AHR: variants seen among roughly 807,000 people sequenced by gnomAD.
The protein encoded by AHR is aryl hydrocarbon receptor, also known as AH-receptor.
In AHR, 40 loss-of-function variants were observed where a neutral mutation model predicts 86.8. The ratio of observed to expected loss-of-function variants is 0.46; its 90% CI spans 0.36 to 0.60. The LOEUF (loss-of-function observed/expected upper bound fraction) is 0.60, where lower values mean the gene tolerates loss of function less well. AHR is among the 20% of genes least tolerant of loss of function. The pLI is 0.00. For missense variants in AHR, 1,001 were observed against 1,011.6 expected (o/e 0.99, Z 0.14); for synonymous variants, 398 against 354.9 (o/e 1.12, Z -1.37).
chr7:17,316,609 C>T (rs1350541734), intron 2 of AHR, among the ~76,000 whole-genome samples: 1 of 152,160 alleles, frequency 6.6e-6, no homozygotes, highest in Non-Finnish European at 1.5e-5. Flanking sequence ...GTTTCACACA[C>T]ACACAAAAGA....
At chr7:17,340,470 A>T (rs901420581) in intron 10 of AHR, among the ~76,000 whole-genome samples, 11 of 152,122 alleles carry the variant, frequency 7.2e-5, no homozygotes, top group Admixed American at 6.5e-5. Context: ...ATGAAGCAAC[A>T]TGAATGTGTC....
chr7:17,325,143 C>G (rs1782215213), intron 3 of AHR, among the ~76,000 whole-genome samples: 1 of 152,072 alleles, frequency 6.6e-6, no homozygotes, highest in African/African-American at 2.4e-5. Flanking sequence ...ATATTAATTC[C>G]TTCTGTTAAT....
intron 1 of AHR, among the ~76,000 whole-genome samples, chr7:17,308,726 C>T (rs182821835): frequency 2.3e-4 from 35 of 151,938 alleles, no homozygotes; most frequent in African/African-American, 8.5e-4. Flanking sequence ...CACACACACA[C>T]ACACATCATT....
chr7:17,342,815 C>A, intron 10 of AHR, 106 bp from the exon 11 acceptor site: 1 of 1,113,354 alleles, frequency 9.0e-7, no homozygotes, highest in Non-Finnish European at 1.3e-6. Flanking sequence ...TTGAAGTTTA[C>A]AACTCTCAGG....
intron 6 of AHR, 110 bp from the exon 7 acceptor site, chr7:17,333,802 T>G (rs751760702): frequency 4.0e-4 from 308 of 776,270 alleles, no homozygotes; most frequent in Non-Finnish European, 5.6e-4. Flanking sequence ...TCAGGAATAT[T>G]TATGGAATTA....
Position 17,339,678 on chromosome 7 carries a change from A to G in AHR, c.1853A>G (p.His618Arg), listed in dbSNP as rs775243780. 6.2e-6 allele frequency: 10 copies of G among 1,614,130 alleles called. No individual in the cohort carries two copies. The highest frequency in any genetic ancestry group is 3.3e-5 in the South Asian group (3 of 91,078). The change falls in exon 10 of 11, where the codon CAT (histidine) becomes CGT (arginine). Residue 618 changes from histidine (H) to arginine (R), a missense_variant. Physicochemically the swap from His to Arg is conservative, Grantham distance 29. Transcript: ENST00000242057. ...AGCTGTATGGTACAGGAACACCTAC[A>G]TCTAGAACAGCAACAGCAACATCAC... ...NSSCMVQEHL[H>R]LEQQQQHHQK...
intron 2 of AHR, among the ~76,000 whole-genome samples, chr7:17,320,372 A>G (rs1319472158): frequency 6.6e-6 from 1 of 152,094 alleles, no homozygotes; most frequent in African/African-American, 2.4e-5. Context: ...CTTCTCAGTG[A>G]TCAAGTAGTT....
At chr7:17,321,618 C>G (rs986383202) in intron 2 of AHR, among the ~76,000 whole-genome samples, 4 of 149,452 alleles carry the variant, frequency 2.7e-5, no homozygotes, top group Admixed American at 6.7e-5. Flanking sequence ...CACACACACA[C>G]AGTGAGGAAA....
chr7:17,302,929 G>C (rs1460591437), intron 1 of AHR, among the ~76,000 whole-genome samples: 1 of 151,964 alleles, frequency 6.6e-6, no homozygotes, highest in Non-Finnish European at 1.5e-5. Flanking sequence ...GAAACAGTAA[G>C]AGGCAGTATA....
intron 1 of AHR, among the ~76,000 whole-genome samples, chr7:17,308,726 C>CA: frequency 6.6e-6 from 1 of 152,056 alleles, no homozygotes; most frequent in Non-Finnish European, 1.5e-5. Flanking sequence ...CACACACACA[C>CA]ACACATCATT....
intron 1 of AHR, among the ~76,000 whole-genome samples, chr7:17,303,987 T>C (rs538742309): frequency 2.0e-5 from 3 of 152,260 alleles, no homozygotes; most frequent in Admixed American, 2.0e-4. Context: ...TGGTTATGTA[T>C]AGGAGAAGCA....
intron 4 of AHR, 200 bp from the exon 5 acceptor site, chr7:17,329,752 G>C (rs1407639444): frequency 2.7e-6 from 1 of 372,400 alleles, no homozygotes; most frequent in African/African-American, 2.1e-5. Flanking sequence ...GTAACTTTTG[G>C]CTTATCTGTT....
Position 17,322,602 on chromosome 7 carries a change from T to C in AHR, c.355T>C (p.Leu119=), listed in dbSNP as rs774195738. 1.9e-6 allele frequency: 3 copies of C among 1,594,878 alleles called. No individual in the cohort carries two copies. The highest frequency in any genetic ancestry group is 1.7e-4 in the Middle Eastern group (1 of 5,976). Residue 119 remains leucine, a synonymous_variant, in exon 3 of 11, where the codon TTA becomes CTA. Coordinates refer to ENST00000242057, the MANE Select transcript of AHR (RefSeq NM_001621.5). Reference sequence around the variant, plus strand: ...GAACTTACAAGAAGGAGAATTCTTATTACAGGTAAATTTTAGTAAATATAG... The same window carrying C: ...GAACTTACAAGAAGGAGAATTCTTACTACAGGTAAATTTTAGTAAATATAG... ...GLNLQEGEFL[L]QALNGFVLVV...
rs149809425 is a variant in AHR at position 17,334,373 on chromosome 7, G to A, written c.908+259G>A. On this transcript the variant is annotated intron_variant, in intron 7 of 10. Transcript: ENST00000242057. ...GGTTTATTCTTCTGATGACATTTAT[G>A]TTGGTTTGTTTTACATTTTTAAATG... 1.2e-4 allele frequency among the ~76,000 whole-genome samples: 19 copies of A among 152,046 alleles called. No individual in the cohort carries two copies. The East Asian group carries it at 3.1e-3, about 25-fold the overall frequency.
At chr7:17,341,462 AGT>A (rs1782422957) in intron 10 of AHR, among the ~76,000 whole-genome samples, 1 of 152,172 alleles carries the variant, frequency 6.6e-6, no homozygotes, top group African/African-American at 2.4e-5. Context: ...AGTTCTTTGC[AGT>A]GTTTTCCCCT....
chr7:17,303,145 CTG>C (rs1404045330), intron 1 of AHR, among the ~76,000 whole-genome samples: 1 of 151,996 alleles, frequency 6.6e-6, no homozygotes, highest in Non-Finnish European at 1.5e-5. Flanking sequence ...CAAAAGATGA[CTG>C]TTTATTAGCA....
chr7:17,316,294 G>A (rs1782114512), intron 2 of AHR, among the ~76,000 whole-genome samples: 2 of 152,144 alleles, frequency 1.3e-5, no homozygotes, highest in Admixed American at 1.3e-4. Flanking sequence ...AGGCCAAAAA[G>A]CCATTCAGTT....
intron 3 of AHR, among the ~76,000 whole-genome samples, chr7:17,324,459 G>T (rs1349497219): frequency 6.6e-6 from 1 of 152,180 alleles, no homozygotes; most frequent in Non-Finnish European, 1.5e-5. Context: ...CTTTTGAGGA[G>T]AAATATTTTC....
chr7:17,304,112 T>C (rs1781982081), intron 1 of AHR, among the ~76,000 whole-genome samples: 1 of 152,178 alleles, frequency 6.6e-6, no homozygotes, highest in Non-Finnish European at 1.5e-5. Context: ...TGAAATATTG[T>C]TTTAAAATGT....
Sources: gnomAD v4.1 joint callset for allele counts (sites outside exome capture counted in the v4.1 genomes callset) on GRCh38, gnomAD v4.1.1 for gene constraint, MANE v1.5 for transcripts, NCBI Gene and HGNC (gene_info 2026-07-23, HGNC 2026-07-21) for gene names.